The following PDE7B variants were observed in gnomAD, a reference collection of about 807,000 sequenced individuals.
PDE7B encodes the protein phosphodiesterase 7B.
Under a neutral mutation model 56.2 loss-of-function variants are expected in PDE7B, and 29 were observed. The ratio of observed to expected loss-of-function variants is 0.52; its 90% CI spans 0.38 to 0.70. The LOEUF is 0.70. Ranked by LOEUF, PDE7B falls within the 30% of genes least tolerant of loss-of-function variation. The pLI, the probability that PDE7B is intolerant of heterozygous loss-of-function variation, is 0.00. For synonymous variants in PDE7B, 197 were observed against 196.9 expected (o/e 1.00, Z 0.00); for missense variants, 490 against 565.0 (o/e 0.87, Z 1.35).
At chr6:136,143,285 C>T (rs1327172272) in intron 3 of PDE7B, among the ~76,000 whole-genome samples, 2 of 151,990 alleles carry the variant, frequency 1.3e-5, no homozygotes, top group Non-Finnish European at 1.5e-5. Flanking sequence ...TTATGGTAGG[C>T]CTAGGCAGGA....
At chr6:136,143,474 T>G (rs1008695424) in intron 3 of PDE7B, among the ~76,000 whole-genome samples, 1 of 152,082 alleles carries the variant, frequency 6.6e-6, no homozygotes, top group Admixed American at 6.6e-5. Flanking sequence ...GTATCATATC[T>G]TAATGTAATA....
At chr6:136,022,422 C>T (rs1013815584) in intron 2 of PDE7B, among the ~76,000 whole-genome samples, 3 of 151,926 alleles carry the variant, frequency 2.0e-5, no homozygotes, top group African/African-American at 4.8e-5. Flanking sequence ...TTTAACATCC[C>T]CAAGTACAAG....
intron 11 of PDE7B, among the ~76,000 whole-genome samples, chr6:136,183,272 G>A (rs1779095481): frequency 6.6e-6 from 1 of 151,864 alleles, no homozygotes; most frequent in Non-Finnish European, 1.5e-5. Flanking sequence ...ATAGCCTTAT[G>A]GTCTAGTAGA....
At chr6:135,873,778 A>C (rs1384891494) in intron 1 of PDE7B, among the ~76,000 whole-genome samples, 1 of 152,240 alleles carries the variant, frequency 6.6e-6, no homozygotes, top group Non-Finnish European at 1.5e-5. Context: ...TAAAAAGTTT[A>C]AAATTTTAAT....
intron 2 of PDE7B, among the ~76,000 whole-genome samples, chr6:136,006,219 G>GT: frequency 9.7e-6 from 1 of 102,582 alleles, no homozygotes; most frequent in Non-Finnish European, 1.9e-5. Context: ...GTGGGGGGAG[G>GT]GGGGAGGGAT....
chr6:136,085,990 T>C (rs902892255), intron 2 of PDE7B, among the ~76,000 whole-genome samples: 1 of 152,232 alleles, frequency 6.6e-6, no homozygotes, highest in African/African-American at 2.4e-5. Context: ...ATCATACTCT[T>C]ACGGTTTTGC....
chr6:136,090,639 G>A (rs1777371241), intron 2 of PDE7B, among the ~76,000 whole-genome samples: 1 of 151,948 alleles, frequency 6.6e-6, no homozygotes, highest in South Asian at 2.1e-4. Context: ...CTCTGGTTTG[G>A]GCAATTCAAG....
intron 2 of PDE7B, among the ~76,000 whole-genome samples, chr6:136,085,372 G>A (rs1458902233): frequency 6.6e-6 from 1 of 152,188 alleles, no homozygotes; most frequent in East Asian, 1.9e-4. Context: ...AATGAGTCAG[G>A]ATATTCTATT....
chr6:136,183,292 T>G (rs564220981), intron 11 of PDE7B, among the ~76,000 whole-genome samples: 27 of 151,896 alleles, frequency 1.8e-4, no homozygotes, highest in Non-Finnish European at 3.4e-4. Context: ...AAATTCTGCT[T>G]GTTTTAAGAG....
chr6:135,884,968 A>G (rs1775675812), intron 1 of PDE7B, among the ~76,000 whole-genome samples: 1 of 152,170 alleles, frequency 6.6e-6, no homozygotes, highest in Non-Finnish European at 1.5e-5. Flanking sequence ...AAGATCTCAC[A>G]GCATGTCAGC....
chr6:136,014,686 C>T (rs949208862), intron 2 of PDE7B, among the ~76,000 whole-genome samples: 8 of 152,006 alleles, frequency 5.3e-5, no homozygotes, highest in Non-Finnish European at 8.8e-5. Context: ...TAACCAAGGC[C>T]GGGGTAGAAA....
chr6:136,158,691 G>C (rs1031027762), intron 8 of PDE7B, among the ~76,000 whole-genome samples: 7 of 152,224 alleles, frequency 4.6e-5, no homozygotes, highest in African/African-American at 1.4e-4. Context: ...CTCACTCGCT[G>C]AACTGCCAAC....
intron 1 of PDE7B, among the ~76,000 whole-genome samples, chr6:135,932,083 GA>G (rs568619659): frequency 2.0e-5 from 3 of 151,684 alleles, no homozygotes; most frequent in Admixed American, 6.6e-5. Context: ...AATAGACAAA[GA>G]AAAAAATGTA....
chr6:136,186,980 CATTTT>C, intron 11 of PDE7B, 51 bp from the exon 12 acceptor site: 1 of 876,100 alleles, frequency 1.1e-6, no homozygotes, highest in East Asian at 2.4e-5. Flanking sequence ...TATTAATACT[CATTTT>C]ATAAGTTCTA....
chr6:136,005,836 A>C lies in PDE7B; in HGVS notation c.82+58312A>C, dbSNP rs369207363. Among the ~76,000 whole-genome samples the C allele has an allele frequency of 1.1e-4, 17 of 152,232 alleles. 1 individual carries two copies. The highest frequency in any genetic ancestry group is 5.2e-4 in the Admixed American group (8 of 15,284). On this transcript the variant is annotated intron_variant, in intron 2 of 12. Coordinates refer to ENST00000308191, the MANE Select transcript of PDE7B (RefSeq NM_018945.4). Reference sequence around the variant, plus strand: ...TCTAGAACTAGAAATACCATTTGACACAGCCATCCCATTACTGAGTATATA... The same window carrying C: ...TCTAGAACTAGAAATACCATTTGACCCAGCCATCCCATTACTGAGTATATA...
chr6:136,038,538 C>G (rs1776365350), intron 2 of PDE7B: 1 of 1,268,390 alleles, frequency 7.9e-7, no homozygotes, highest in Non-Finnish European at 1.0e-6. Flanking sequence ...GGTAAATTGA[C>G]CATGGGGTGT....
At chr6:136,056,555 G>GAGTT (rs1776738776) in intron 2 of PDE7B, among the ~76,000 whole-genome samples, 1 of 57,204 alleles carries the variant, frequency 1.7e-5, no homozygotes, top group Non-Finnish European at 2.9e-5. Flanking sequence ...TTTTTGACAA[G>GAGTT]AGTTTTGCCC....
intron 2 of PDE7B, among the ~76,000 whole-genome samples, chr6:135,952,580 G>T (rs1223952276): frequency 6.6e-6 from 1 of 152,084 alleles, no homozygotes; most frequent in African/African-American, 2.4e-5. Context: ...GGCTACAGAA[G>T]AAATAAAGAT....
rs146130758 is a variant in PDE7B, at chr6:135,901,922, C to G, written c.22-45542C>G. Among the ~76,000 whole-genome samples, 545 of 152,220 alleles carry G rather than the reference C, an allele frequency of 3.6e-3. 7 individuals are homozygous for G. The highest frequency in any genetic ancestry group is 0.012 in the African/African-American group (516 of 41,534). On this transcript the variant is annotated intron_variant, in intron 1 of 12. Transcript: ENST00000308191. ...GCAGAATGCCTACATTCTAATCCAG[C>G]CTTGGGCCCTGTCTGACCTTGGGAG...
Sources: gnomAD v4.1 joint callset for allele counts (sites outside exome capture counted in the v4.1 genomes callset) on GRCh38, gnomAD v4.1.1 for gene constraint, MANE v1.5 for transcripts, NCBI Gene and HGNC (gene_info 2026-07-23, HGNC 2026-07-21) for gene names.